Variants in CSMD1 observed in about 807,000 individuals in gnomAD.
The protein encoded by CSMD1 is CUB and Sushi multiple domains 1.
Under a neutral mutation model 417.5 loss-of-function variants are expected in CSMD1, and 213 were observed. That is an observed-to-expected ratio of 0.51 (90% CI 0.46 to 0.57). The LOEUF (loss-of-function observed/expected upper bound fraction) is 0.57. Ranked by LOEUF, CSMD1 falls within the 20% of genes least tolerant of loss-of-function variation. CSMD1 has a pLI of 0.00. For synonymous variants in CSMD1, 2,862 were observed against 1,736.8 expected (o/e 1.65, Z -16.11); for missense variants, 6,923 against 4,529.7 (o/e 1.53, Z -15.17).
intron 8 of CSMD1, among the ~76,000 whole-genome samples, chr8:3,613,114 A>C (rs1368747350): frequency 6.6e-6 from 1 of 152,080 alleles, no homozygotes; most frequent in Non-Finnish European, 1.5e-5. Context: ...TTTAAAGGAT[A>C]ATAAAGAAAG....
chr8:3,067,304 T>A (rs1164757088), intron 49 of CSMD1, among the ~76,000 whole-genome samples: 1 of 152,148 alleles, frequency 6.6e-6, no homozygotes, highest in African/African-American at 2.4e-5. Flanking sequence ...TCTCACTTCC[T>A]TTGTGCCTCA....
chr8:4,051,403 T>A (rs1424589389), intron 3 of CSMD1, among the ~76,000 whole-genome samples: 3 of 151,824 alleles, frequency 2.0e-5, no homozygotes, highest in Admixed American at 6.5e-5. Flanking sequence ...CCCAGTAGCA[T>A]AATGTAGTTA....
intron 38 of CSMD1, 135 bp from the exon 39 acceptor site, chr8:3,158,101 CTG>C: frequency 1.4e-6 from 1 of 713,754 alleles, no homozygotes; most frequent in East Asian, 2.9e-5. Context: ...ATTGTGAAAT[CTG>C]TTTTTAGTAA....
chr8:3,026,129 G>A (rs934937649), intron 51 of CSMD1, among the ~76,000 whole-genome samples: 1 of 152,102 alleles, frequency 6.6e-6, no homozygotes, highest in Non-Finnish European at 1.5e-5. Context: ...GCCTGGTGAG[G>A]GAAGCCCTTA....
chr8:4,637,856 G>C (rs554211613), intron 1 of CSMD1, among the ~76,000 whole-genome samples: 16 of 150,308 alleles, frequency 1.1e-4, no homozygotes, highest in Non-Finnish European at 2.1e-4. Context: ...ATTTTTAGTA[G>C]AGACGGGGTT....
At chr8:4,872,877 G>A (rs1802814966) in intron 1 of CSMD1, among the ~76,000 whole-genome samples, 1 of 152,072 alleles carries the variant, frequency 6.6e-6, no homozygotes, top group African/African-American at 2.4e-5. Flanking sequence ...TACTGGAGTA[G>A]TACTGGCGAA....
chr8:4,096,610 T>C (rs751811770), intron 3 of CSMD1, among the ~76,000 whole-genome samples: 6 of 152,198 alleles, frequency 3.9e-5, no homozygotes, highest in Non-Finnish European at 5.9e-5. Context: ...TGTAATCTGA[T>C]CAATTACAAT....
intron 3 of CSMD1, among the ~76,000 whole-genome samples, chr8:4,407,796 A>G (rs1042726009): frequency 6.6e-5 from 10 of 152,224 alleles, no homozygotes; most frequent in African/African-American, 2.2e-4. Flanking sequence ...ACATGTCAGT[A>G]TTGTGGCATA....
chr8:3,163,947 C>G (rs974972767), intron 37 of CSMD1, among the ~76,000 whole-genome samples: 2 of 152,180 alleles, frequency 1.3e-5, no homozygotes, highest in East Asian at 1.9e-4. Context: ...AGCCTGATCT[C>G]TCATGCGTGT....
chr8:3,450,255 T>C (rs913037605), intron 12 of CSMD1, among the ~76,000 whole-genome samples: 7 of 152,160 alleles, frequency 4.6e-5, no homozygotes, highest in Admixed American at 3.9e-4. Context: ...TGTCATGACC[T>C]AATCAGGAGT....
chr8:3,107,451 G>C (rs1816221655), intron 45 of CSMD1, among the ~76,000 whole-genome samples: 2 of 151,852 alleles, frequency 1.3e-5, no homozygotes, highest in Non-Finnish European at 1.5e-5. Context: ...AAATGTTGTA[G>C]AGGAAAAAAA....
intron 2 of CSMD1, among the ~76,000 whole-genome samples, chr8:4,564,628 A>G (rs1798506923): frequency 6.6e-6 from 1 of 152,240 alleles, no homozygotes; most frequent in Non-Finnish European, 1.5e-5. Context: ...TTTGTCACAT[A>G]AACTAATCTG....
At chr8:4,360,924 T>G (rs1190123209) in intron 3 of CSMD1, among the ~76,000 whole-genome samples, 3 of 152,220 alleles carry the variant, frequency 2.0e-5, no homozygotes, top group Non-Finnish European at 2.9e-5. Context: ...TGATAGCAGG[T>G]GAATTTCTTT....
At chr8:4,232,318 C>T (rs571555532) in intron 3 of CSMD1, among the ~76,000 whole-genome samples, 210 of 152,238 alleles carry the variant, frequency 1.4e-3, no homozygotes, top group Non-Finnish European at 1.9e-3. Flanking sequence ...CCTGTCTCAG[C>T]CTCCCTAGTA....
At chr8:4,082,597 T>C (rs992718716) in intron 3 of CSMD1, among the ~76,000 whole-genome samples, 1 of 146,688 alleles carries the variant, frequency 6.8e-6, no homozygotes, top group African/African-American at 2.5e-5. Context: ...AAAAAACCTT[T>C]CTTTTTTCGT....
chr8:3,585,280 T>G (rs1275492292), intron 9 of CSMD1, among the ~76,000 whole-genome samples: 2 of 152,196 alleles, frequency 1.3e-5, no homozygotes, highest in Non-Finnish European at 2.9e-5. Context: ...ACTAAAATGC[T>G]TAAAAGTTTA....
intron 49 of CSMD1, among the ~76,000 whole-genome samples, chr8:3,076,448 G>A (rs76759644): frequency 0.069 from 5,631 of 81,908 alleles, 127 homozygotes; most frequent in Middle Eastern, 0.11. Flanking sequence ...GGACTCTAAC[G>A]TACTTTTTTT....
At chr8:3,240,421 G>A (rs796185276) in intron 26 of CSMD1, among the ~76,000 whole-genome samples, 1,277 of 87,894 alleles carry the variant, frequency 0.015, 17 homozygotes, top group African/African-American at 0.039. Context: ...TGCCTAGGAA[G>A]GAAAGGAGTT....
At chr8:4,960,915 C>T (rs1024548490) in intron 1 of CSMD1, among the ~76,000 whole-genome samples, 24 of 152,146 alleles carry the variant, frequency 1.6e-4, no homozygotes, top group African/African-American at 5.8e-4. Context: ...ATTTACAATG[C>T]ATGTGGCTGT....
Sources: gnomAD v4.1 joint callset for allele counts (sites outside exome capture counted in the v4.1 genomes callset) on GRCh38, gnomAD v4.1.1 for gene constraint, MANE v1.5 for transcripts, NCBI Gene and HGNC (gene_info 2026-07-23, HGNC 2026-07-21) for gene names.